SULT4A1: variants seen among roughly 807,000 people sequenced by gnomAD.
The protein encoded by SULT4A1 is sulfotransferase family 4A member 1, also known as sulfotransferase 4A1.
Under a neutral mutation model 35.2 loss-of-function variants are expected in SULT4A1, and 11 were observed. That is an observed-to-expected ratio of 0.31 (90% CI 0.20 to 0.52). SULT4A1 has a LOEUF of 0.52. Among genes scored for constraint, SULT4A1 ranks in the 20% least tolerant of loss-of-function variants. The pLI is 0.97. For missense variants in SULT4A1, 271 were observed against 383.7 expected (o/e 0.71, Z 2.45); for synonymous variants, 152 against 151.8 (o/e 1.00, Z -0.01).
intron 2 of SULT4A1, 150 bp downstream of exon 2, chr22:43,841,652 C>A: frequency 7.8e-7 from 1 of 1,274,134 alleles, no homozygotes; most frequent in Non-Finnish European, 1.1e-6. Flanking sequence ...TCACTGCCAG[C>A]TCAGGCCTGC....
At chr22:43,848,378 C>A (rs2063489677) in intron 1 of SULT4A1, among the ~76,000 whole-genome samples, 1 of 152,270 alleles carries the variant, frequency 6.6e-6, no homozygotes, top group Non-Finnish European at 1.5e-5. Context: ...GGACACGCCA[C>A]AGTCTCACAG....
At chr22:43,833,877 A>G (rs1330560712) in intron 4 of SULT4A1, 143 bp from the exon 5 acceptor site, 43 of 707,148 alleles carry the variant, frequency 6.1e-5, no homozygotes, top group Non-Finnish European at 9.2e-5. Context: ...AAGTCTGGCA[A>G]AGGCCCCCGA....
chr22:43,826,040 CT>C lies in SULT4A1; in HGVS notation c.815del (p.Lys272ArgfsTer30). The C allele has an allele frequency of 1.2e-6, 2 of 1,614,178 alleles. No homozygotes were observed. Among genetic ancestry groups the C allele is most frequent in the Non-Finnish European group, 1.7e-6 (2 of 1,180,030 alleles). ...CAAACGTGAGGTCACACTTTCCCAT[CT>C]TCTGTTTATACACCAAGTCAAACTT... ...NEKFDLVYKQ[K>X]MGKCDLTFDF... is the part of the protein sequence containing the mutation. On this transcript the variant is annotated frameshift_variant, in exon 7 of 7. Transcript: ENST00000330884. LOFTEE classifies it high-confidence loss of function.
chr22:43,839,819 G>T, intron 3 of SULT4A1, 126 bp downstream of exon 3: 1 of 855,922 alleles, frequency 1.2e-6, no homozygotes, highest in Non-Finnish European at 1.9e-6. Context: ...CTTCACGTGT[G>T]GGCTCCTTGG....
In SULT4A1 at chr22:43,825,024, G is replaced by A. The variant is rs536119767; in HGVS notation, c.*977C>T. 1 of 152,342 alleles carries A rather than the reference G, an allele frequency of 6.6e-6. No homozygotes were observed. The highest frequency in any genetic ancestry group is 6.5e-5 in the Admixed American group (1 of 15,300). The allele number at this position is 152,342 out of a possible 1,614,324, so 9.4% of individuals were successfully genotyped here. On this transcript the variant is annotated 3_prime_UTR_variant, in exon 7 of 7. Transcript: ENST00000330884. ...GCCAACCTGATCCGAGTGAAACAGG[G>A]CTACACTCGCAAAATGGTCCTCCCA...
At chr22:43,838,720 TC>T in intron 4 of SULT4A1, 146 bp downstream of exon 4, 1 of 1,060,972 alleles carries the variant, frequency 9.4e-7, no homozygotes, top group African/African-American at 1.6e-5. Context: ...GGCCTCAGTG[TC>T]TTCATCTGTA....
intron 6 of SULT4A1, chr22:43,827,237 C>T (rs2063293301): frequency 2.0e-6 from 2 of 985,438 alleles, no homozygotes; most frequent in African/African-American, 1.7e-5. Context: ...CCTTCACTAG[C>T]TCCGTTATTA....
intron 5 of SULT4A1, 25 bp downstream of exon 5, chr22:43,833,615 G>T: frequency 6.3e-7 from 1 of 1,576,620 alleles, no homozygotes; most frequent in Non-Finnish European, 8.6e-7. Flanking sequence ...GGCACCCGGA[G>T]GACAGCTGCT....
At chr22:43,853,546 G>A (rs1462999430) in intron 1 of SULT4A1, among the ~76,000 whole-genome samples, 1 of 152,224 alleles carries the variant, frequency 6.6e-6, no homozygotes, top group African/African-American at 2.4e-5. Flanking sequence ...GCTGTGGCAT[G>A]CTGGGTTCCA....
chr22:43,860,932 C>G (rs2148313295), intron 1 of SULT4A1, among the ~76,000 whole-genome samples: 1 of 152,220 alleles, frequency 6.6e-6, no homozygotes, highest in African/African-American at 2.4e-5. Context: ...CTGTGTGACT[C>G]CGAACAATTT....
intron 1 of SULT4A1, among the ~76,000 whole-genome samples, chr22:43,846,247 C>T (rs1012934185): frequency 1.3e-5 from 2 of 152,228 alleles, no homozygotes; most frequent in African/African-American, 4.8e-5. Context: ...GCTCAGATGC[C>T]GCTCAGTCAG....
rs1320161623 is a variant in SULT4A1 at position 43,824,971 on chromosome 22, T to C, written c.*1030A>G. ...TTACTCCCTCAGATACACGGAGGGA[T>C]GAGGTGGACAGACACGCAGGCGGCC... On this transcript the variant is annotated 3_prime_UTR_variant, in exon 7 of 7. Coordinates refer to ENST00000330884, the MANE Select transcript of SULT4A1 (RefSeq NM_014351.4). 1 of 152,122 alleles carries C rather than the reference T, an allele frequency of 6.6e-6. No homozygotes were observed. Among genetic ancestry groups the C allele is most frequent in the Non-Finnish European group, 1.5e-5 (1 of 68,020 alleles). 9.4% of individuals were successfully genotyped at this position (152,122 alleles called of 1,614,324 possible).
chr22:43,857,218 G>A (rs896820472), intron 1 of SULT4A1, among the ~76,000 whole-genome samples: 2 of 151,970 alleles, frequency 1.3e-5, no homozygotes, highest in Non-Finnish European at 2.9e-5. Context: ...TCGGTCCACA[G>A]AGATTACCCA....
chr22:43,829,154 C>T lies in SULT4A1; in HGVS notation c.648G>A (p.Val216=). The change falls in exon 6 of 7, where the codon GTG becomes GTA. Residue 216 remains valine, a synonymous_variant. Transcript: ENST00000330884. ...MVEQLARFLG[V]SCDKAQLEAL... ...CTTCCAGCTGGGCCTTGTCACAGGA[C>T]ACCCCCAGGAATCTGGCCAGCTGCT... 1 of 1,565,078 alleles carries T rather than the reference C, an allele frequency of 6.4e-7. No homozygotes were observed. The highest frequency in any genetic ancestry group is 8.7e-7 in the Non-Finnish European group (1 of 1,154,966).
At chr22:43,826,310 G>A (rs889837413) in intron 6 of SULT4A1, 197 bp from the exon 7 acceptor site, 121 of 985,262 alleles carry the variant, frequency 1.2e-4, no homozygotes, top group Non-Finnish European at 1.4e-4. Flanking sequence ...ACTGGATGCG[G>A]CAGAACATGA....
At chr22:43,835,903 C>T (rs926044872) in intron 4 of SULT4A1, among the ~76,000 whole-genome samples, 1 of 152,154 alleles carries the variant, frequency 6.6e-6, no homozygotes, top group East Asian at 1.9e-4. Context: ...GGAGGGGGGA[C>T]GGGAATGAGC....
At chr22:43,862,033 C>T (rs1458257361) in intron 1 of SULT4A1, among the ~76,000 whole-genome samples, 181 bp downstream of exon 1, 1 of 151,904 alleles carries the variant, frequency 6.6e-6, no homozygotes, top group Admixed American at 6.5e-5. Flanking sequence ...TTCCCACCCC[C>T]ACCCCACCCC....
At chr22:43,841,044 G>A (rs1414188468) in intron 2 of SULT4A1, among the ~76,000 whole-genome samples, 4 of 152,248 alleles carry the variant, frequency 2.6e-5, no homozygotes, top group South Asian at 2.1e-4. Flanking sequence ...GTCAGTCACT[G>A]CTGCCCCCAA....
chr22:43,833,825 C>T lies in SULT4A1; in HGVS notation c.509-91G>A. On this transcript the variant is annotated intron_variant, in intron 4 of 6. Coordinates refer to ENST00000330884, the MANE Select transcript of SULT4A1 (RefSeq NM_014351.4). ...CCCACCCCACAGGGCTGCCCTCCTG[C>T]CACCCAGCAGCCGTGATGAGGACAT... The T allele has an allele frequency of 4.6e-6, 5 of 1,080,350 alleles. No homozygotes were observed. The South Asian group carries it at 5.7e-5, about 12-fold the overall frequency. The allele number at this position is 1,080,350 out of a possible 1,614,324, so 66.9% of individuals were successfully genotyped here.
Sources: gnomAD v4.1 joint callset for allele counts (sites outside exome capture counted in the v4.1 genomes callset) on GRCh38, gnomAD v4.1.1 for gene constraint, MANE v1.5 for transcripts, NCBI Gene and HGNC (gene_info 2026-07-23, HGNC 2026-07-21) for gene names.